MARK2: variants seen among roughly 807,000 people sequenced by gnomAD.
The protein encoded by MARK2 is microtubule affinity regulating kinase 2, also known as serine/threonine-protein kinase MARK2.
Under a neutral mutation model 89.8 loss-of-function variants are expected in MARK2, and 16 were observed. The observed-to-expected ratio is 0.18, with a 90% CI of 0.12 to 0.27. The LOEUF (loss-of-function observed/expected upper bound fraction) is 0.27, where lower values mean the gene tolerates loss of function less well. Ranked by LOEUF, MARK2 falls within the 10% of genes least tolerant of loss-of-function variation. The pLI is 1.00. For synonymous variants in MARK2, 382 were observed against 399.5 expected, an observed-to-expected ratio of 0.96 and a Z score of 0.52; for missense variants, 621 against 1,049.9, an observed-to-expected ratio of 0.59 and a Z score of 5.65.
intron 1 of MARK2, among the ~76,000 whole-genome samples, chr11:63,891,070 T>G (rs778778750): frequency 2.0e-4 from 31 of 151,404 alleles, no homozygotes; most frequent in Non-Finnish European, 4.0e-4. Flanking sequence ...TTGTGTTTGT[T>G]TGTGTGTGTG....
chr11:63,876,768 C>T (rs139354568), intron 1 of MARK2, among the ~76,000 whole-genome samples: 7 of 152,316 alleles, frequency 4.6e-5, no homozygotes, highest in African/African-American at 1.7e-4. Flanking sequence ...ACAGACTTGG[C>T]TGCTTGCCTC....
At position 63,862,219 on chromosome 11, in the gene MARK2, C is replaced by T. The variant is rs180882155; in HGVS notation, c.54+22659C>T. ...GGATTACAGGCATGAGCCACCATGC[C>T]TGGCTTCATTTATTCTTTGTAAGTT... On this transcript the variant is annotated intron_variant, in intron 1 of 18. Coordinates refer to ENST00000402010, the MANE Select transcript of MARK2 (RefSeq NM_001039469.3). 2.6e-3 allele frequency among the ~76,000 whole-genome samples: 394 copies of T among 152,328 alleles called. 1 individual carries two copies. The highest frequency in any genetic ancestry group is 4.2e-3 in the Non-Finnish European group (283 of 68,030).
intron 1 of MARK2, among the ~76,000 whole-genome samples, chr11:63,884,860 T>C (rs1939300207): frequency 6.6e-6 from 1 of 152,112 alleles, no homozygotes; most frequent in East Asian, 1.9e-4. Flanking sequence ...CTGGATACAG[T>C]GAGGGAGGAA....
At chr11:63,845,349 G>A (rs978783791) in intron 1 of MARK2, among the ~76,000 whole-genome samples, 1 of 152,166 alleles carries the variant, frequency 6.6e-6, no homozygotes, top group African/African-American at 2.4e-5. Context: ...AAGGGTGGGT[G>A]GAGTTTAAAG....
intron 1 of MARK2, among the ~76,000 whole-genome samples, chr11:63,859,428 C>T (rs1937623523): frequency 6.6e-6 from 1 of 151,520 alleles, no homozygotes; most frequent in African/African-American, 2.4e-5. Flanking sequence ...TCAAGCAATT[C>T]TCCTGCCTCA....
At chr11:63,898,302 TTTC>T in intron 4 of MARK2, 22 bp downstream of exon 4, 1 of 1,609,698 alleles carries the variant, frequency 6.2e-7, no homozygotes, top group Non-Finnish European at 8.5e-7. Context: ...TTGTTATTTC[TTTC>T]TTCTTCCCCA....
At chr11:63,878,139 G>T (rs955574955) in intron 1 of MARK2, among the ~76,000 whole-genome samples, 8 of 152,190 alleles carry the variant, frequency 5.3e-5, no homozygotes, top group Non-Finnish European at 1.0e-4. Context: ...CCCCTGTTAT[G>T]TCAGGGTACT....
chr11:63,889,825 G>A (rs1211218432), intron 1 of MARK2, among the ~76,000 whole-genome samples: 1 of 152,170 alleles, frequency 6.6e-6, no homozygotes, highest in African/African-American at 2.4e-5. Context: ...GTCTACTCTT[G>A]ACAGACCTCC....
chr11:63,851,294 A>C (rs930550415), intron 1 of MARK2, among the ~76,000 whole-genome samples: 2 of 151,828 alleles, frequency 1.3e-5, no homozygotes, highest in African/African-American at 2.4e-5. Context: ...TGGCTGGGGG[A>C]AGGTAACAGT....
chr11:63,880,886 A>G (rs143824632), intron 1 of MARK2, among the ~76,000 whole-genome samples: 26 of 152,354 alleles, frequency 1.7e-4, no homozygotes, highest in East Asian at 9.6e-4. Context: ...GCTATCAGTT[A>G]TCAGTTGGTC....
chr11:63,875,783 A>G (rs1194832036), intron 1 of MARK2, among the ~76,000 whole-genome samples: 1 of 152,234 alleles, frequency 6.6e-6, no homozygotes. Flanking sequence ...CCTGGCCGCC[A>G]GAGAGGCTGC....
At chr11:63,867,606 C>T (rs77492957) in intron 1 of MARK2, among the ~76,000 whole-genome samples, 2,177 of 152,190 alleles carry the variant, frequency 0.014, 55 homozygotes, top group East Asian at 0.046. Flanking sequence ...GTTTTTTAAG[C>T]GCTTCTCATG....
At chr11:63,854,293 G>T (rs765482203) in intron 1 of MARK2, among the ~76,000 whole-genome samples, 10 of 151,030 alleles carry the variant, frequency 6.6e-5, no homozygotes, top group Non-Finnish European at 1.5e-4. Flanking sequence ...TCTGCCTCCC[G>T]GGTTCAAGTG....
At chr11:63,888,431 C>T (rs1480325980) in intron 1 of MARK2, 6 of 709,406 alleles carry the variant, frequency 8.5e-6, no homozygotes, top group Non-Finnish European at 1.0e-5. Flanking sequence ...CTCGACCTCT[C>T]GCCAGCTGTT....
At chr11:63,887,479 CAT>C (rs1175694883) in intron 1 of MARK2, among the ~76,000 whole-genome samples, 4 of 152,230 alleles carry the variant, frequency 2.6e-5, no homozygotes, top group African/African-American at 9.6e-5. Flanking sequence ...GGCCAGGGCT[CAT>C]GTGTAAGGCA....
rs550951571 is a variant in MARK2 at position 63,846,365 on chromosome 11, T to G, written c.54+6805T>G. On this transcript the variant is annotated intron_variant, in intron 1 of 18. Coordinates refer to ENST00000402010, the MANE Select transcript of MARK2 (RefSeq NM_001039469.3). ...GACCTCATTTCTACAAAAAAAAAAT[T>G]TTTTTTTTGAGACGGAGTCTTGCTC... Among the ~76,000 whole-genome samples the G allele has an allele frequency of 1.3e-3, 193 of 151,812 alleles. 1 individual carries two copies. The highest frequency in any genetic ancestry group is 3.4e-3 in the Middle Eastern group (1 of 294).
At chr11:63,877,610 G>T (rs1026884063) in intron 1 of MARK2, among the ~76,000 whole-genome samples, 9 of 151,728 alleles carry the variant, frequency 5.9e-5, no homozygotes, top group Non-Finnish European at 1.3e-4. Context: ...GAGGTGGGAG[G>T]ATCACCTGAG....
chr11:63,890,243 C>G (rs1415837498), intron 1 of MARK2: 1 of 1,342,314 alleles, frequency 7.4e-7, no homozygotes, highest in Non-Finnish European at 9.8e-7. Flanking sequence ...CTTACCCTGG[C>G]TCACATCCCT....
chr11:63,904,169 G>A lies in MARK2; in HGVS notation c.1676+22G>A. The A allele has an allele frequency of 6.5e-7, 1 of 1,541,422 alleles. No individual in the cohort carries two copies. Among genetic ancestry groups the A allele is most frequent in the Non-Finnish European group, 8.7e-7 (1 of 1,149,780 alleles). ...CCAGGCAAGTGTGCTGGGGCAGCTG[G>A]TGCACCTGCTGCCCTCAGCCCACCC... On this transcript the variant is annotated intron_variant, in intron 15 of 18. Transcript: ENST00000402010. This position sits in a 1 kb window ranked among gnomAD's most constrained non-coding sequence, Gnocchi z 6.3.
Sources: allele counts gnomAD v4.1 joint callset (sites outside exome capture counted in the v4.1 genomes callset), GRCh38; gene constraint gnomAD v4.1.1; non-coding constraint Gnocchi (gnomAD v3.1); transcripts MANE v1.5; gene names NCBI Gene and HGNC (gene_info 2026-07-23, HGNC 2026-07-21).